Variants in FGF12 observed in about 807,000 individuals in gnomAD.
FGF12 encodes the protein fibroblast growth factor 12.
A neutral mutation model predicts 23.6 loss-of-function variants in FGF12; 14 were observed. The ratio of observed to expected loss-of-function variants is 0.59; its 90% CI spans 0.39 to 0.93. The LOEUF (loss-of-function observed/expected upper bound fraction) is 0.93. FGF12 is among the 40% of genes least tolerant of loss of function. FGF12 has a pLI of 0.00. For synonymous variants in FGF12, 62 were observed against 77.3 expected (o/e 0.80, Z 1.04); for missense variants, 175 against 217.8 (o/e 0.80, Z 1.24).
At chr3:192,214,098 A>T (rs937181359) in intron 4 of FGF12, among the ~76,000 whole-genome samples, 1 of 152,206 alleles carries the variant, frequency 6.6e-6, no homozygotes, top group Non-Finnish European at 1.5e-5. Context: ...CTCAATCTAG[A>T]AGATGCTTTT....
chr3:192,515,822 G>A (rs1724650325), intron 2 of FGF12, among the ~76,000 whole-genome samples: 1 of 125,320 alleles, frequency 8.0e-6, no homozygotes, highest in Admixed American at 9.1e-5. Context: ...TTTCCCAGCA[G>A]CCCCCTTGAC....
chr3:192,307,943 T>C (rs1715735918), intron 4 of FGF12, among the ~76,000 whole-genome samples: 1 of 152,178 alleles, frequency 6.6e-6, no homozygotes, highest in African/African-American at 2.4e-5. Context: ...AGGGACTTCA[T>C]TTTGTGAAGA....
At position 192,249,579 on chromosome 3, in the gene FGF12, T is replaced by C. The variant is rs75830113; in HGVS notation, c.229-78923A>G. 6.6e-3 allele frequency among the ~76,000 whole-genome samples: 1,007 copies of C among 152,196 alleles called. 4 individuals are homozygous for C. The highest frequency in any genetic ancestry group is 0.023 in the African/African-American group (964 of 41,528). ...ACACGTAGAATCAGGGTCTTAAGAA[T>C]GACTTTGTGAAAACTCCAGCTTTCG... On this transcript the variant is annotated intron_variant, in intron 4 of 5. Transcript: ENST00000445105.
chr3:192,575,507 G>C (rs1240583757), intron 2 of FGF12, among the ~76,000 whole-genome samples: 16 of 152,158 alleles, frequency 1.1e-4, no homozygotes, highest in Admixed American at 9.2e-4. Context: ...GGAAGAGGAG[G>C]AGGAGGAGAA....
At chr3:192,411,659 T>C (rs9883181) in intron 2 of FGF12, among the ~76,000 whole-genome samples, 5,713 of 152,298 alleles carry the variant, frequency 0.038, 332 homozygotes, top group African/African-American at 0.13. Flanking sequence ...CCTTGGCTAC[T>C]AGAAGACTTG....
At chr3:192,503,669 A>G (rs1273706757) in intron 2 of FGF12, among the ~76,000 whole-genome samples, 1 of 143,880 alleles carries the variant, frequency 7.0e-6, no homozygotes, top group East Asian at 2.0e-4. Flanking sequence ...GCAATGGCGC[A>G]ATCTCGGCTC....
intron 4 of FGF12, among the ~76,000 whole-genome samples, chr3:192,277,970 C>T (rs1713906135): frequency 6.6e-6 from 1 of 152,116 alleles, no homozygotes; most frequent in Non-Finnish European, 1.5e-5. Context: ...GCCATGTTGG[C>T]CAGGCTAGTC....
intron 2 of FGF12, among the ~76,000 whole-genome samples, chr3:192,621,690 CA>C (rs5855441): frequency 7.9e-4 from 75 of 94,372 alleles, no homozygotes; most frequent in East Asian, 4.3e-3. Context: ...GATACAAATA[CA>C]AAAAAAAAAA....
At chr3:192,681,206 A>G (rs7615607) in intron 2 of FGF12, among the ~76,000 whole-genome samples, 87,377 of 152,040 alleles carry the variant, frequency 0.57, 25,820 homozygotes, top group East Asian at 0.83. Flanking sequence ...GAGGTGAGGA[A>G]TGTGAACTGA....
chr3:192,722,935 A>G (rs2108748155), intron 2 of FGF12, among the ~76,000 whole-genome samples: 1 of 152,338 alleles, frequency 6.6e-6, no homozygotes, highest in Middle Eastern at 3.4e-3. Context: ...GTTTAAATAA[A>G]AAGCACAAAA....
At chr3:192,436,275 A>G (rs1179576373) in intron 2 of FGF12, among the ~76,000 whole-genome samples, 2 of 152,202 alleles carry the variant, frequency 1.3e-5, no homozygotes, top group African/African-American at 2.4e-5. Flanking sequence ...AGGAACATTC[A>G]CCTTCCTTTG....
chr3:192,301,126 G>T (rs1390857832), intron 4 of FGF12, among the ~76,000 whole-genome samples: 1 of 152,052 alleles, frequency 6.6e-6, no homozygotes, highest in African/African-American at 2.4e-5. Flanking sequence ...GGTATTGAAA[G>T]TCCAAAGAAA....
intron 2 of FGF12, among the ~76,000 whole-genome samples, chr3:192,395,210 C>G (rs764154640): frequency 6.6e-6 from 1 of 152,122 alleles, no homozygotes; most frequent in Non-Finnish European, 1.5e-5. Context: ...TCAGCATTCC[C>G]ATAGAAACTG....
chr3:192,417,134 T>A (rs1420569448), intron 2 of FGF12, among the ~76,000 whole-genome samples: 1 of 152,008 alleles, frequency 6.6e-6, no homozygotes. Context: ...CTGGAAATTG[T>A]CTCCTGGTTG....
chr3:192,271,918 G>T (rs550713523), intron 4 of FGF12, among the ~76,000 whole-genome samples: 44 of 152,252 alleles, frequency 2.9e-4, no homozygotes, highest in African/African-American at 1.0e-3. Context: ...TTACTGAGAC[G>T]TCTTAAAACG....
intron 2 of FGF12, among the ~76,000 whole-genome samples, chr3:192,636,317 C>A (rs1372875114): frequency 6.6e-6 from 1 of 152,146 alleles, no homozygotes; most frequent in African/African-American, 2.4e-5. Flanking sequence ...AAATTTATTT[C>A]CTTGGTTTTA....
At chr3:192,592,133 A>T (rs929869567) in intron 2 of FGF12, among the ~76,000 whole-genome samples, 1 of 151,826 alleles carries the variant, frequency 6.6e-6, no homozygotes, top group African/African-American at 2.4e-5. Context: ...TAGAATTATA[A>T]TTGCTCCCCA....
intron 4 of FGF12, among the ~76,000 whole-genome samples, chr3:192,270,632 CT>C (rs1713371854): frequency 6.6e-6 from 1 of 152,108 alleles, no homozygotes; most frequent in African/African-American, 2.4e-5. Flanking sequence ...GTATCCTTCA[CT>C]ATTTCAGCAA....
At chr3:192,704,136 T>G (rs925320365) in intron 2 of FGF12, among the ~76,000 whole-genome samples, 1 of 152,242 alleles carries the variant, frequency 6.6e-6, no homozygotes, top group African/African-American at 2.4e-5. Context: ...CCAGAAGATG[T>G]TCAATTTACT....
Sources: gnomAD v4.1 joint callset for allele counts (sites outside exome capture counted in the v4.1 genomes callset) on GRCh38, gnomAD v4.1.1 for gene constraint, MANE v1.5 for transcripts, NCBI Gene and HGNC (gene_info 2026-07-23, HGNC 2026-07-21) for gene names.